The following AUTS2 variants were observed in gnomAD, a reference collection of about 807,000 sequenced individuals.
AUTS2 encodes autism susceptibility gene 2 protein.
A neutral mutation model predicts 112.4 loss-of-function variants in AUTS2; 17 were observed. The ratio of observed to expected loss-of-function variants is 0.15; its 90% confidence interval spans 0.10 to 0.23. AUTS2 has a LOEUF of 0.23. Ranked by LOEUF, AUTS2 falls within the 10% of genes least tolerant of loss-of-function variation. AUTS2 has a pLI of 1.00. For synonymous variants in AUTS2, 751 were observed against 702.7 expected, an observed-to-expected ratio of 1.07 and a Z score of -1.09; for missense variants, 1,510 against 1,701.6, an observed-to-expected ratio of 0.89 and a Z score of 1.98.
intron 1 of AUTS2, among the ~76,000 whole-genome samples, chr7:69,878,183 C>T (rs1159800199): frequency 2.0e-5 from 3 of 152,090 alleles, no homozygotes; most frequent in South Asian, 2.1e-4. Context: ...AATATGTGGA[C>T]ATTTCCTGCA....
At chr7:70,218,467 A>G (rs1388529107) in intron 4 of AUTS2, among the ~76,000 whole-genome samples, 3 of 152,130 alleles carry the variant, frequency 2.0e-5, no homozygotes, top group Non-Finnish European at 4.4e-5. Context: ...GAAGGTATGC[A>G]CAGTAGAGAA....
At chr7:70,316,867 T>G (rs1265140013) in intron 4 of AUTS2, 17 of 152,262 alleles carry the variant, frequency 1.1e-4, no homozygotes. Flanking sequence ...GCACACTTGC[T>G]CGTTTCCCTG....
intron 6 of AUTS2, among the ~76,000 whole-genome samples, chr7:70,760,484 C>G (rs1219026101): frequency 6.6e-6 from 1 of 152,220 alleles, no homozygotes; most frequent in Non-Finnish European, 1.5e-5. Flanking sequence ...CCAGACCTGA[C>G]TCAAAGGCCT....
At chr7:70,637,227 C>G (rs755164227) in intron 5 of AUTS2, among the ~76,000 whole-genome samples, 2 of 152,160 alleles carry the variant, frequency 1.3e-5, no homozygotes, top group Non-Finnish European at 2.9e-5. Context: ...CTGGCTTAAC[C>G]ATCATCTGTG....
rs924127967 is a variant in AUTS2 at position 69,954,613 on chromosome 7, A to C, written c.522+55115A>C. Among the ~76,000 whole-genome samples, 7 of 152,318 alleles carry C rather than the reference A, an allele frequency of 4.6e-5. No individual in the cohort carries two copies. In the South Asian group the frequency reaches 1.2e-3, roughly 27 times the overall value. ...CCTTGTTCTCAAAACCATTTTGTAAAAAGTAATGTGCTGGCCAAATAAAAC... is the reference window on the plus strand; with the variant it reads ...CCTTGTTCTCAAAACCATTTTGTAACAAGTAATGTGCTGGCCAAATAAAAC... On this transcript the variant is annotated intron_variant, in intron 2 of 18. Transcript: ENST00000342771.
intron 1 of AUTS2, among the ~76,000 whole-genome samples, chr7:69,897,963 T>A (rs952407791): frequency 6.6e-6 from 1 of 152,074 alleles, no homozygotes; most frequent in African/African-American, 2.4e-5. Context: ...GAGAAATGAG[T>A]AAAAGGAAAT....
Position 70,499,372 on chromosome 7 carries a change from C to T in AUTS2, c.690+63591C>T, listed in dbSNP as rs144765398. Among the ~76,000 whole-genome samples the T allele has an allele frequency of 8.7e-3, 1,319 of 152,278 alleles. 16 individuals are homozygous for T. Among genetic ancestry groups the T allele is most frequent in the Non-Finnish European group, 0.014 (962 of 68,018 alleles). ...TTCCAGGCAGAGGGAACAGCACATG[C>T]AAAGGCACAGACAGGCAAAGCCCCA... On this transcript the variant is annotated intron_variant, in intron 5 of 18. Transcript: ENST00000342771.
chr7:70,275,187 C>T (rs1012233692), intron 4 of AUTS2, among the ~76,000 whole-genome samples: 10 of 152,284 alleles, frequency 6.6e-5, no homozygotes, highest in Admixed American at 4.6e-4. Flanking sequence ...CATGAGCTAC[C>T]ATGCTCAGCC....
chr7:70,381,281 A>G (rs1363934515), intron 4 of AUTS2, among the ~76,000 whole-genome samples: 1 of 152,358 alleles, frequency 6.6e-6, no homozygotes, highest in East Asian at 1.9e-4. Flanking sequence ...TGAAGAAATC[A>G]AAATCCAGCC....
At chr7:69,682,064 A>T (rs1355359997) in intron 1 of AUTS2, among the ~76,000 whole-genome samples, 2 of 152,220 alleles carry the variant, frequency 1.3e-5, no homozygotes, top group Non-Finnish European at 2.9e-5. Context: ...AGTGCTTTGC[A>T]TGTGTCTAGC....
chr7:70,772,667 C>A (rs751248171), intron 11 of AUTS2, among the ~76,000 whole-genome samples: 1 of 152,226 alleles, frequency 6.6e-6, no homozygotes, highest in Non-Finnish European at 1.5e-5. Context: ...GTCCCCTCCC[C>A]CTTCAAAATC....
At chr7:69,670,520 C>T (rs1188061843) in intron 1 of AUTS2, among the ~76,000 whole-genome samples, 3 of 123,856 alleles carry the variant, frequency 2.4e-5, no homozygotes, top group African/African-American at 9.3e-5. Flanking sequence ...GTAAACAAAA[C>T]CATTAGTAAC....
intron 1 of AUTS2, among the ~76,000 whole-genome samples, chr7:69,824,335 G>A (rs1791142220): frequency 6.6e-6 from 1 of 151,962 alleles, no homozygotes; most frequent in Admixed American, 6.6e-5. Flanking sequence ...CGTGAACCTG[G>A]GAGGCGGAGC....
At chr7:70,312,156 G>A (rs1035484994) in intron 4 of AUTS2, among the ~76,000 whole-genome samples, 14 of 152,156 alleles carry the variant, frequency 9.2e-5, no homozygotes, top group East Asian at 5.8e-4. Context: ...ACCACACCCC[G>A]CTGGGAAATA....
chr7:70,516,671 C>G (rs550926654), intron 5 of AUTS2, among the ~76,000 whole-genome samples: 7 of 152,280 alleles, frequency 4.6e-5, no homozygotes, highest in Non-Finnish European at 1.0e-4. Context: ...AAACTCCAGG[C>G]ACATCAGAGG....
At chr7:69,902,035 C>T (rs931878388) in intron 2 of AUTS2, among the ~76,000 whole-genome samples, 2 of 152,238 alleles carry the variant, frequency 1.3e-5, no homozygotes, top group East Asian at 1.9e-4. Context: ...CAGTCTGTAA[C>T]TGATAGGCTC....
chr7:70,756,094 T>G (rs1284438915), intron 6 of AUTS2, among the ~76,000 whole-genome samples: 1 of 152,202 alleles, frequency 6.6e-6, no homozygotes, highest in Non-Finnish European at 1.5e-5. Context: ...CAATTAATGT[T>G]TATCTTTCCA....
rs528635801 is a variant in AUTS2 at position 69,602,123 on chromosome 7, GTTTTAT to G, written c.309+2167_309+2172del. Among the ~76,000 whole-genome samples the G allele has an allele frequency of 1.2e-3, 180 of 145,852 alleles. 2 individuals carry two copies. The highest frequency in any genetic ancestry group is 4.3e-3 in the African/African-American group (172 of 39,582). ...CTCACTTATGCAGTTCTTTTTGATG[GTTTTAT>G]TTTTAACAAATAGGTATTTGACTGG... On this transcript the variant is annotated intron_variant, in intron 1 of 18. Coordinates refer to ENST00000342771, the MANE Select transcript of AUTS2 (RefSeq NM_015570.4).
intron 1 of AUTS2, among the ~76,000 whole-genome samples, chr7:69,628,680 GA>G (rs972768403): frequency 2.6e-5 from 4 of 152,168 alleles, no homozygotes; most frequent in Admixed American, 6.5e-5. Flanking sequence ...GAGAAAGGGA[GA>G]GGGGGAGATG....
Sources: allele counts gnomAD v4.1 joint callset (sites outside exome capture counted in the v4.1 genomes callset), GRCh38; gene constraint gnomAD v4.1.1; transcripts MANE v1.5; gene names NCBI Gene and HGNC (gene_info 2026-07-23, HGNC 2026-07-21).